The following LHFPL6 variants were observed in gnomAD, a reference collection of about 807,000 sequenced individuals.
LHFPL6 encodes LHFPL tetraspan subfamily member 6 protein.
In LHFPL6, 9 loss-of-function variants were observed where a neutral mutation model predicts 20.6. The observed-to-expected ratio is 0.44, with a 90% CI of 0.26 to 0.76. The LOEUF (loss-of-function observed/expected upper bound fraction) is 0.76, where lower values mean the gene tolerates loss of function less well. Ranked by LOEUF, LHFPL6 falls within the 30% of genes least tolerant of loss-of-function variation. The pLI, the probability that LHFPL6 is intolerant of heterozygous loss-of-function variation, is 0.20. For synonymous variants in LHFPL6, 105 were observed against 98.7 expected (o/e 1.06, Z -0.38); for missense variants, 218 against 253.5 (o/e 0.86, Z 0.95).
intron 2 of LHFPL6, among the ~76,000 whole-genome samples, chr13:39,482,123 T>C (rs1868547670): frequency 6.6e-6 from 1 of 152,196 alleles, no homozygotes; most frequent in Non-Finnish European, 1.5e-5. Context: ...GGATGTCATT[T>C]AAAGCACTGG....
chr13:39,426,668 A>T (rs145561072), intron 2 of LHFPL6, among the ~76,000 whole-genome samples: 1 of 152,170 alleles, frequency 6.6e-6, no homozygotes, highest in Non-Finnish European at 1.5e-5. Context: ...TAAAACTTCA[A>T]TCTTTCTTAT....
intron 2 of LHFPL6, among the ~76,000 whole-genome samples, chr13:39,422,749 G>C (rs1417824482): frequency 6.6e-6 from 1 of 152,112 alleles, no homozygotes; most frequent in African/African-American, 2.4e-5. Context: ...TGGCTTGTAA[G>C]GAAGACAAGT....
intron 2 of LHFPL6, among the ~76,000 whole-genome samples, chr13:39,556,793 T>A (rs1871315627): frequency 1.3e-5 from 2 of 151,948 alleles, no homozygotes; most frequent in Non-Finnish European, 2.9e-5. Flanking sequence ...TGACACTCCA[T>A]CTCTACAAAA....
intron 2 of LHFPL6, among the ~76,000 whole-genome samples, chr13:39,516,333 T>C (rs1185210607): frequency 6.6e-6 from 1 of 152,252 alleles, no homozygotes; most frequent in African/African-American, 2.4e-5. Context: ...CAAATACCAG[T>C]CTATGACTTA....
chr13:39,501,593 T>C (rs1192090921), intron 2 of LHFPL6, among the ~76,000 whole-genome samples: 1 of 152,170 alleles, frequency 6.6e-6, no homozygotes, highest in Non-Finnish European at 1.5e-5. Context: ...GATTCTCAAC[T>C]TTATTGACAC....
chr13:39,482,886 G>C (rs1412219230), intron 2 of LHFPL6, among the ~76,000 whole-genome samples: 1 of 152,200 alleles, frequency 6.6e-6, no homozygotes, highest in Non-Finnish European at 1.5e-5. Context: ...CTCAAGTGGA[G>C]GGGCTGCCCT....
chr13:39,496,464 G>A (rs1046442322), intron 2 of LHFPL6, among the ~76,000 whole-genome samples: 1 of 152,174 alleles, frequency 6.6e-6, no homozygotes, highest in Non-Finnish European at 1.5e-5. Context: ...GAGACCATAA[G>A]ACTAGTTTTA....
intron 2 of LHFPL6, among the ~76,000 whole-genome samples, chr13:39,400,720 T>C (rs1870965401): frequency 1.6e-5 from 2 of 127,092 alleles, no homozygotes. Context: ...GAGGCGGAGC[T>C]TGCAGTGAGC....
chr13:39,475,615 C>T (rs1873066897), intron 2 of LHFPL6, among the ~76,000 whole-genome samples: 1 of 152,122 alleles, frequency 6.6e-6, no homozygotes, highest in African/African-American at 2.4e-5. Context: ...GCAGACACCA[C>T]CCATAGCCAC....
In LHFPL6 at chr13:39,419,638, A is replaced by AT. The variant is rs560025658; in HGVS notation, c.386-41113dup. On this transcript the variant is annotated intron_variant, in intron 2 of 3. Transcript: ENST00000379589. ...AAGTTCATGATTCTTTCTAAATCTT[A>AT]TTTTTTTAAAGGTTTTAATCATTTC... Among the ~76,000 whole-genome samples the AT allele has an allele frequency of 5.3e-5, 8 of 152,266 alleles. No homozygotes were observed. In the East Asian group the frequency reaches 1.5e-3, roughly 29 times the overall value.
intron 2 of LHFPL6, among the ~76,000 whole-genome samples, chr13:39,397,915 T>C (rs1870884824): frequency 6.6e-6 from 1 of 152,154 alleles, no homozygotes; most frequent in South Asian, 2.1e-4. Context: ...TTTGTGTGTG[T>C]GTGTGTGTGT....
At chr13:39,591,858 G>A (rs1042246820) in intron 2 of LHFPL6, among the ~76,000 whole-genome samples, 9 of 152,190 alleles carry the variant, frequency 5.9e-5, no homozygotes, top group African/African-American at 2.2e-4. Context: ...CACTTTGGGA[G>A]ACTGAGGCGG....
chr13:39,546,445 C>A (rs531608852), intron 2 of LHFPL6, among the ~76,000 whole-genome samples: 1 of 152,194 alleles, frequency 6.6e-6, no homozygotes, highest in African/African-American at 2.4e-5. Flanking sequence ...ATTTGAGAAC[C>A]AATAATCCAG....
intron 2 of LHFPL6, among the ~76,000 whole-genome samples, chr13:39,532,300 C>T (rs1870491092): frequency 6.6e-6 from 1 of 152,154 alleles, no homozygotes; most frequent in Non-Finnish European, 1.5e-5. Flanking sequence ...CAGCCCTCCA[C>T]AAAACAGCCC....
At chr13:39,489,847 G>A (rs1387465709) in intron 2 of LHFPL6, among the ~76,000 whole-genome samples, 1 of 152,118 alleles carries the variant, frequency 6.6e-6, no homozygotes, top group Non-Finnish European at 1.5e-5. Context: ...AAGTCACCAT[G>A]CCTGGCCTGG....
intron 2 of LHFPL6, among the ~76,000 whole-genome samples, chr13:39,592,549 A>T (rs557688120): frequency 0.013 from 1,978 of 152,324 alleles, 16 homozygotes; most frequent in Non-Finnish European, 0.021. Context: ...AGGTACAAGG[A>T]GGAGCTGGTA....
At chr13:39,522,783 A>G (rs1449873768) in intron 2 of LHFPL6, among the ~76,000 whole-genome samples, 1 of 152,220 alleles carries the variant, frequency 6.6e-6, no homozygotes, top group Admixed American at 6.5e-5. Context: ...CACCAAAAAA[A>G]GTGTTTTGTT....
chr13:39,498,883 C>T (rs1593337081), intron 2 of LHFPL6, among the ~76,000 whole-genome samples: 1 of 152,030 alleles, frequency 6.6e-6, no homozygotes, highest in East Asian at 1.9e-4. Context: ...TTTTGTGAGA[C>T]AAAGCCTTGC....
At chr13:39,400,610 C>T (rs935180610) in intron 2 of LHFPL6, among the ~76,000 whole-genome samples, 3 of 150,770 alleles carry the variant, frequency 2.0e-5, no homozygotes, top group Non-Finnish European at 4.4e-5. Context: ...GGTGAAACCC[C>T]GTCTCTACTA....
Sources: gnomAD v4.1 joint callset for allele counts (sites outside exome capture counted in the v4.1 genomes callset) on GRCh38, gnomAD v4.1.1 for gene constraint, MANE v1.5 for transcripts, NCBI Gene and HGNC (gene_info 2026-07-23, HGNC 2026-07-21) for gene names.